The following KANSL3 variants were observed in gnomAD, a reference collection of about 807,000 sequenced individuals.
The protein encoded by KANSL3 is NSL complex protein NSL3.
A neutral mutation model predicts 89.2 loss-of-function variants in KANSL3; 16 were observed. The observed-to-expected ratio is 0.18, with a 90% CI of 0.12 to 0.27. The LOEUF (loss-of-function observed/expected upper bound fraction) is 0.27. Ranked by LOEUF, KANSL3 falls within the 10% of genes least tolerant of loss-of-function variation. KANSL3 has a pLI of 1.00. For synonymous variants in KANSL3, 385 were observed against 419.7 expected, an observed-to-expected ratio of 0.92 and a Z score of 1.01; for missense variants, 879 against 1,110.6, an observed-to-expected ratio of 0.79 and a Z score of 2.96.
intron 3 of KANSL3, among the ~76,000 whole-genome samples, chr2:96,623,044 T>C (rs2071598717): frequency 6.6e-6 from 1 of 152,238 alleles, no homozygotes. Context: ...TTTAGTTTGT[T>C]TCTCTCTGCC....
At chr2:96,607,159 A>G (rs2068107735) in intron 14 of KANSL3, 1 of 520,144 alleles carries the variant, frequency 1.9e-6, no homozygotes, top group Non-Finnish European at 3.3e-6. Context: ...TCCTTCTGAA[A>G]TTACTGCATG....
chr2:96,589,697 T>G (rs1348690252), downstream of KANSL3, among the ~76,000 whole-genome samples: 2 of 152,070 alleles, frequency 1.3e-5, no homozygotes, highest in Non-Finnish European at 2.9e-5. Context: ...CAGCCAACAA[T>G]TTTATCGACA....
In KANSL3 at chr2:96,601,633, G is replaced by A; in HGVS notation, c.2616+10C>T. On this transcript the variant is annotated intron_variant, in intron 20 of 20. Coordinates refer to ENST00000431828, the MANE Select transcript of KANSL3 (RefSeq NM_001115016.3). ...AAGCCCATGTCCTCAGTCCTTCCTG[G>A]CAGACTCACCTGTGAGCTGGAGGGC... The A allele has an allele frequency of 6.2e-7, 1 of 1,612,460 alleles. No individual in the cohort carries two copies. The highest frequency in any genetic ancestry group is 8.5e-7 in the Non-Finnish European group (1 of 1,179,356).
chr2:96,606,719 C>T (rs1203513880), intron 14 of KANSL3: 4 of 271,260 alleles, frequency 1.5e-5, no homozygotes, highest in South Asian at 1.0e-4. Flanking sequence ...GAGCCAAGAC[C>T]GTAGTGAAAG....
rs539543106 is a variant in KANSL3 at position 96,612,188 on chromosome 2, G to A, written c.1086+94C>T. 1.1e-4 allele frequency: 99 copies of A among 862,544 alleles called. No individual in the cohort carries two copies. In the Middle Eastern group the frequency reaches 2.6e-3, roughly 23 times the overall value. The allele number at this position is 862,544 out of a possible 1,614,324, so 53.4% of individuals were successfully genotyped here. On this transcript the variant is annotated intron_variant, in intron 9 of 20. Coordinates refer to ENST00000431828, the MANE Select transcript of KANSL3 (RefSeq NM_001115016.3). ...TAATTATATAGGTAAAGTATCTAGC[G>A]CAGAGCCTGACACACAGTAAAGGAC...
At chr2:96,606,087 G>C (rs1385198409) in intron 14 of KANSL3, 1 of 152,340 alleles carries the variant, frequency 6.6e-6, no homozygotes, top group South Asian at 2.1e-4. Flanking sequence ...CTTGCCAAAT[G>C]GAGGCAATGA....
At chr2:96,604,059 T>G (rs2067592037) in intron 17 of KANSL3, 191 bp downstream of exon 17, 2 of 528,800 alleles carry the variant, frequency 3.8e-6, no homozygotes, top group Admixed American at 7.2e-5. Context: ...ATTTACTCAC[T>G]GCATTTATTC....
the KANSL3 span, among the ~76,000 whole-genome samples, chr2:96,585,751 G>A: frequency 1.3e-5 from 2 of 152,096 alleles, no homozygotes; most frequent in Non-Finnish European, 2.9e-5. Context: ...AAAAAATGTG[G>A]TATATATATA....
At chr2:96,630,963 T>A (rs1332065393) in intron 3 of KANSL3, among the ~76,000 whole-genome samples, 1 of 152,064 alleles carries the variant, frequency 6.6e-6, no homozygotes, top group Non-Finnish European at 1.5e-5. Context: ...TACATTTCAT[T>A]TTTTTGCAGT....
rs139900111 is a variant in KANSL3 at position 96,636,234 on chromosome 2, A to G, written c.215+687T>C. Among the ~76,000 whole-genome samples the G allele has an allele frequency of 2.6e-5, 4 of 152,374 alleles. No individual in the cohort carries two copies. In the East Asian group the frequency reaches 7.7e-4, roughly 29 times the overall value. On this transcript the variant is annotated intron_variant, in intron 2 of 20. Coordinates refer to ENST00000431828, the MANE Select transcript of KANSL3 (RefSeq NM_001115016.3). The stretch of plus-strand genomic sequence containing the variant: ...CATGATTTGATCACCATAACGGAAT[A>G]TATCAACACATCATGAAACATAATT...
At chr2:96,584,649 A>C in the KANSL3 span, among the ~76,000 whole-genome samples, 1 of 152,218 alleles carries the variant, frequency 6.6e-6, no homozygotes, top group Admixed American at 6.5e-5. Context: ...GTCCAGACTT[A>C]CTTCACTTAA....
Position 96,608,492 on chromosome 2 carries a change from G to C in KANSL3, c.1741+16C>G. Reference sequence around the variant, plus strand: ...GAAGACAGACCCAAGAGGAGCCACTGGCCAAGTGCCTATACCTTGAGCTTG... The same window carrying C: ...GAAGACAGACCCAAGAGGAGCCACTCGCCAAGTGCCTATACCTTGAGCTTG... On this transcript the variant is annotated intron_variant, in intron 14 of 20. Coordinates refer to ENST00000431828, the MANE Select transcript of KANSL3 (RefSeq NM_001115016.3). 1 of 1,613,572 alleles carries C rather than the reference G, an allele frequency of 6.2e-7. No homozygotes were observed. Among genetic ancestry groups the C allele is most frequent in the Non-Finnish European group, 8.5e-7 (1 of 1,179,542 alleles).
intron 20 of KANSL3, among the ~76,000 whole-genome samples, chr2:96,596,673 C>T (rs760194878): frequency 9.9e-5 from 15 of 152,242 alleles, no homozygotes; most frequent in Non-Finnish European, 1.8e-4. Context: ...CATGGGCTTC[C>T]CTGCCCAAAG....
At chr2:96,615,367 T>G (rs1459669916) in intron 5 of KANSL3, 3 of 278,576 alleles carry the variant, frequency 1.1e-5, no homozygotes, top group Non-Finnish European at 1.9e-5. Flanking sequence ...TGTTATTATG[T>G]ACAAAAATAT....
At chr2:96,589,333 ATAGG>A (rs914205364), downstream of KANSL3, among the ~76,000 whole-genome samples, 17 of 152,200 alleles carry the variant, frequency 1.1e-4, no homozygotes, top group African/African-American at 3.9e-4. Context: ...ATATAATGAC[ATAGG>A]TAGGGTGAAA....
At chr2:96,627,670 T>G (rs2072609289) in intron 3 of KANSL3, among the ~76,000 whole-genome samples, 1 of 152,244 alleles carries the variant, frequency 6.6e-6, no homozygotes, top group Non-Finnish European at 1.5e-5. Flanking sequence ...GGAGCCGACC[T>G]ACACCGTTCA....
At position 96,607,196 on chromosome 2, in the gene KANSL3, T is replaced by C. The variant is rs1032293740; in HGVS notation, c.1741+1312A>G. ...CAACCTGACTCTGCCACGGAGTCAG[T>C]CTGTAGAAGCATCTAAAACTGAATA... On this transcript the variant is annotated intron_variant, in intron 14 of 20. Transcript: ENST00000431828. 5 of 398,896 alleles carry C rather than the reference T, an allele frequency of 1.3e-5. No individual in the cohort carries two copies. In the Admixed American group the frequency reaches 1.6e-4, roughly 13 times the overall value. 24.7% of individuals were successfully genotyped at this position (398,896 alleles called of 1,614,324 possible). A position where few individuals can be genotyped will look rare whatever the true frequency, so the allele number is the denominator to read the frequency against.
Position 96,628,078 on chromosome 2 carries a change from A to T in KANSL3, c.386+3234T>A, listed in dbSNP as rs1018996678. ...TCATAACAGAAGGGTGGTGGTCCAC[A>T]AGGAGACTGGAGAAAGATAAGCCAA... On this transcript the variant is annotated intron_variant, in intron 3 of 20. Coordinates refer to ENST00000431828, the MANE Select transcript of KANSL3 (RefSeq NM_001115016.3). 6 of 1,290,266 alleles carry T rather than the reference A, an allele frequency of 4.7e-6. No homozygotes were observed. The African/African-American group carries it at 9.1e-5, about 20-fold the overall frequency. 79.9% of individuals were successfully genotyped at this position (1,290,266 alleles called of 1,614,324 possible).
chr2:96,602,367 G>A (rs2067303594), intron 18 of KANSL3, 29 bp from the exon 19 acceptor site: 3 of 1,551,724 alleles, frequency 1.9e-6, no homozygotes, highest in Non-Finnish European at 2.6e-6. Flanking sequence ...CAGGTGATCA[G>A]AAGCTGTCGC....
Sources: allele counts gnomAD v4.1 joint callset (sites outside exome capture counted in the v4.1 genomes callset), GRCh38; gene constraint gnomAD v4.1.1; transcripts MANE v1.5; gene names NCBI Gene and HGNC (gene_info 2026-07-23, HGNC 2026-07-21).